The following CYSLTR2 variants were observed in gnomAD, a reference collection of about 807,000 sequenced individuals.
CYSLTR2 encodes G-protein coupled receptor GPCR21.
For synonymous variants in CYSLTR2, 179 were observed against 160.8 expected, an observed-to-expected ratio of 1.11 and a Z score of -0.86; for missense variants, 398 against 411.9, an observed-to-expected ratio of 0.97 and a Z score of 0.29.
At chr13:48,661,114 T>A (rs1953116833) in intron 1 of CYSLTR2, among the ~76,000 whole-genome samples, 1 of 152,116 alleles carries the variant, frequency 6.6e-6, no homozygotes, top group Admixed American at 6.5e-5. Context: ...TTAATCTTTT[T>A]TTTTAATTTT....
At chr13:48,678,138 CAGT>C (rs1953650780) in intron 1 of CYSLTR2, among the ~76,000 whole-genome samples, 1 of 152,022 alleles carries the variant, frequency 6.6e-6, no homozygotes. Context: ...TAGATGAGGA[CAGT>C]TTGGTGGAGG....
intron 1 of CYSLTR2, among the ~76,000 whole-genome samples, chr13:48,657,769 TA>T (rs1294860380): frequency 6.6e-6 from 1 of 150,734 alleles, no homozygotes; most frequent in Non-Finnish European, 1.5e-5. Context: ...ATCTAAAGAG[TA>T]TTTGAAGGCA....
intron 4 of CYSLTR2, 29 bp from the exon 5 acceptor site, chr13:48,706,788 C>A (rs1278778394): frequency 6.4e-7 from 1 of 1,554,176 alleles, no homozygotes; most frequent in African/African-American, 1.4e-5. Flanking sequence ...CACAAAGTAA[C>A]TTTTTGTGTC....
chr13:48,689,362 T>A (rs919012439), intron 1 of CYSLTR2, among the ~76,000 whole-genome samples: 2 of 152,112 alleles, frequency 1.3e-5, no homozygotes, highest in African/African-American at 2.4e-5. Flanking sequence ...GCCTAGGTTT[T>A]CTTCTAGGGT....
intron 1 of CYSLTR2, among the ~76,000 whole-genome samples, chr13:48,666,709 T>C (rs915221622): frequency 1.3e-5 from 2 of 152,188 alleles, no homozygotes; most frequent in African/African-American, 4.8e-5. Context: ...TTTTATTTCA[T>C]TCAATGAATT....
intron 4 of CYSLTR2, among the ~76,000 whole-genome samples, chr13:48,698,127 C>T (rs1038445496): frequency 6.6e-6 from 1 of 152,154 alleles, no homozygotes; most frequent in Non-Finnish European, 1.5e-5. Flanking sequence ...ACTTCCCCAA[C>T]CTAGCGAGGC....
chr13:48,674,451 C>T (rs905081838), intron 1 of CYSLTR2, among the ~76,000 whole-genome samples: 1 of 152,176 alleles, frequency 6.6e-6, no homozygotes, highest in Non-Finnish European at 1.5e-5. Flanking sequence ...AGTTCTCGTG[C>T]TGTGTTCTTC....
chr13:48,687,898 A>T (rs931213624), intron 1 of CYSLTR2, among the ~76,000 whole-genome samples: 5 of 152,216 alleles, frequency 3.3e-5, no homozygotes, highest in Non-Finnish European at 7.3e-5. Context: ...GCAATTTAAA[A>T]ATTGTTAATT....
Position 48,707,209 on chromosome 13 carries a change from T to C in CYSLTR2, c.392T>C (p.Val131Ala). The C allele has an allele frequency of 1.2e-6, 2 of 1,614,206 alleles. No homozygotes were observed. Among genetic ancestry groups the C allele is most frequent in the Non-Finnish European group, 1.7e-6 (2 of 1,180,034 alleles). Residue 131 changes from valine to alanine, a missense_variant, in exon 5 of 5, where the codon GTG (valine) becomes GCG (alanine). Transcript: ENST00000682523. ...NMYSSIYFLT[V>A]LSVVRFLAMV... ...TACAGCAGTATTTATTTCCTGACCG[T>C]GCTGAGTGTTGTGCGTTTCCTGGCA...
In CYSLTR2 at chr13:48,688,487, TATGAGTG is replaced by T. The variant is rs554459065; in HGVS notation, c.-265-2723_-265-2717del. ...GTGTTCTCATTATTCAACTCCCACT[TATGAGTG>T]AGAAGATGTGGTGTTTGCTTTTCTG... On this transcript the variant is annotated intron_variant, in intron 1 of 4. Transcript: ENST00000682523. Among the ~76,000 whole-genome samples, 22 of 152,312 alleles carry T rather than the reference TATGAGTG, an allele frequency of 1.4e-4. No homozygotes were observed. In the South Asian group the frequency reaches 3.9e-3, roughly 27 times the overall value.
At position 48,706,873 on chromosome 13, in the gene CYSLTR2, C is replaced by A. The variant is rs200899669; in HGVS notation, c.56C>A (p.Pro19Gln). The stretch of plus-strand genomic sequence containing the variant: ...TCCATCTCCGTATCAGAAATGGAAC[C>A]AAATGGCACCTTCAGCAATAACAAC... ...QPSISVSEME[P>Q]NGTFSNNNSR... is the part of the protein sequence containing the mutation. The change falls in exon 5 of 5, where the codon CCA becomes CAA. Residue 19 changes from proline (P) to glutamine (Q), a missense_variant. Physicochemically the swap from Pro to Gln is moderately conservative, Grantham distance 76. Coordinates refer to ENST00000682523, the MANE Select transcript of CYSLTR2 (RefSeq NM_001308476.3). 5 of 1,614,118 alleles carry A rather than the reference C, an allele frequency of 3.1e-6. No individual in the cohort carries two copies. The highest frequency in any genetic ancestry group is 3.4e-6 in the Non-Finnish European group (4 of 1,179,998).
intron 4 of CYSLTR2, among the ~76,000 whole-genome samples, chr13:48,706,187 A>G (rs1055773091): frequency 2.0e-4 from 30 of 151,610 alleles, no homozygotes; most frequent in African/African-American, 6.0e-4. Context: ...GTAGAGACGG[A>G]GTTTCACCAT....
chr13:48,674,005 G>C (rs1404940170), intron 1 of CYSLTR2, among the ~76,000 whole-genome samples: 4 of 152,170 alleles, frequency 2.6e-5, no homozygotes, highest in Non-Finnish European at 5.9e-5. Context: ...TTAGTCTGAT[G>C]GGCTTCCCTT....
In CYSLTR2 at chr13:48,667,745, G is replaced by T. The variant is rs142610917; in HGVS notation, c.-266+13728G>T. ...ATGATTTATAAAAAGCATCCTATTT[G>T]CCCTTGCACAGTATGTGCTAGCTCT... On this transcript the variant is annotated intron_variant, in intron 1 of 4. Transcript: ENST00000682523. 3.2e-3 allele frequency among the ~76,000 whole-genome samples: 491 copies of T among 152,308 alleles called. 4 individuals are homozygous for T. The highest frequency in any genetic ancestry group is 0.011 in the African/African-American group (476 of 41,558).
chr13:48,678,651 G>T (rs1428551560), intron 1 of CYSLTR2, among the ~76,000 whole-genome samples: 1 of 152,138 alleles, frequency 6.6e-6, no homozygotes, highest in East Asian at 1.9e-4. Context: ...TTTCTTGAAT[G>T]CCTCAAATCC....
chr13:48,677,487 G>C (rs1273217172), intron 1 of CYSLTR2, among the ~76,000 whole-genome samples: 1 of 152,198 alleles, frequency 6.6e-6, no homozygotes, highest in Non-Finnish European at 1.5e-5. Context: ...CACAGCTACA[G>C]AGTGGGAAGG....
At chr13:48,658,844 A>G (rs1034349933) in intron 1 of CYSLTR2, among the ~76,000 whole-genome samples, 3 of 152,042 alleles carry the variant, frequency 2.0e-5, no homozygotes, top group African/African-American at 4.8e-5. Flanking sequence ...ATACTATGAA[A>G]AGCCTGGAGA....
chr13:48,699,114 A>G (rs895403202), intron 4 of CYSLTR2, among the ~76,000 whole-genome samples: 2 of 152,134 alleles, frequency 1.3e-5, no homozygotes, highest in African/African-American at 4.8e-5. Flanking sequence ...ACAGATCAAC[A>G]AGACAGAAAG....
intron 1 of CYSLTR2, among the ~76,000 whole-genome samples, chr13:48,681,716 C>T (rs1341572229): frequency 6.6e-6 from 1 of 152,190 alleles, no homozygotes; most frequent in Non-Finnish European, 1.5e-5. Flanking sequence ...TCCCTGAGGG[C>T]CTGCTACATC....
Sources: allele counts gnomAD v4.1 joint callset (sites outside exome capture counted in the v4.1 genomes callset), GRCh38; gene constraint gnomAD v4.1.1; transcripts MANE v1.5; gene names NCBI Gene and HGNC (gene_info 2026-07-23, HGNC 2026-07-21).